The following LRCH1 variants were observed in gnomAD, a reference collection of about 807,000 sequenced individuals.
The protein encoded by LRCH1 is leucine rich repeats and calponin homology domain containing 1.
A neutral mutation model predicts 94.9 loss-of-function variants in LRCH1; 23 were observed. The observed-to-expected ratio is 0.24, with a 90% confidence interval of 0.17 to 0.34. The LOEUF is 0.34. Among genes scored for constraint, LRCH1 ranks in the 10% least tolerant of loss-of-function variants. LRCH1 has a pLI of 1.00. For missense variants in LRCH1, 790 were observed against 945.9 expected (o/e 0.84, Z 2.16); for synonymous variants, 364 against 354.9 (o/e 1.03, Z -0.29).
chr13:46,708,973 G>T (rs1871919484), intron 13 of LRCH1, among the ~76,000 whole-genome samples: 1 of 152,224 alleles, frequency 6.6e-6, no homozygotes, highest in African/African-American at 2.4e-5. Flanking sequence ...AAGAGAGGGA[G>T]AGAGATAGGA....
intron 1 of LRCH1, among the ~76,000 whole-genome samples, chr13:46,632,205 A>G (rs1334737363): frequency 6.6e-6 from 1 of 152,166 alleles, no homozygotes; most frequent in African/African-American, 2.4e-5. Flanking sequence ...TCTGTCTAAA[A>G]AAAAAAAACA....
chr13:46,554,487 A>T (rs1288478498), intron 1 of LRCH1, among the ~76,000 whole-genome samples: 2 of 152,190 alleles, frequency 1.3e-5, no homozygotes, highest in African/African-American at 4.8e-5. Context: ...CGGGGGCCCC[A>T]GGAAAGGACG....
chr13:46,644,008 T>A (rs1415912850), intron 1 of LRCH1, among the ~76,000 whole-genome samples: 2 of 152,226 alleles, frequency 1.3e-5, no homozygotes, highest in African/African-American at 4.8e-5. Context: ...GCAGTGAAGA[T>A]TTCATTGCTG....
At chr13:46,562,797 A>G (rs142767161) in intron 1 of LRCH1, among the ~76,000 whole-genome samples, 164 of 152,272 alleles carry the variant, frequency 1.1e-3, no homozygotes, top group African/African-American at 3.8e-3. Context: ...CTGTCCTTGG[A>G]ATCTAGCCCT....
At chr13:46,736,118 C>CTGTG (rs3138585) in intron 19 of LRCH1, among the ~76,000 whole-genome samples, 24,535 of 141,990 alleles carry the variant, frequency 0.17, 2,268 homozygotes, top group East Asian at 0.4. Flanking sequence ...CAAATTTGCT[C>CTGTG]TGTGTGTGTG....
At chr13:46,656,190 T>G (rs1254641947) in intron 2 of LRCH1, among the ~76,000 whole-genome samples, 1 of 152,220 alleles carries the variant, frequency 6.6e-6, no homozygotes, top group East Asian at 1.9e-4. Context: ...TAGGGTTGCC[T>G]TAGAAAACAC....
chr13:46,705,005 A>G (rs1871674956), intron 11 of LRCH1, 63 bp from the exon 12 acceptor site: 3 of 878,846 alleles, frequency 3.4e-6, no homozygotes, highest in Non-Finnish European at 5.4e-6. Flanking sequence ...AATAAGACCA[A>G]TAGAATTTAT....
intron 17 of LRCH1, among the ~76,000 whole-genome samples, chr13:46,727,000 G>C (rs1186714056): frequency 6.6e-6 from 1 of 151,882 alleles, no homozygotes; most frequent in African/African-American, 2.4e-5. Flanking sequence ...ATCCCAAACT[G>C]TAGGCAAAAA....
At chr13:46,608,017 G>A (rs748472466) in intron 1 of LRCH1, among the ~76,000 whole-genome samples, 8 of 152,192 alleles carry the variant, frequency 5.3e-5, no homozygotes, top group Non-Finnish European at 1.0e-4. Flanking sequence ...TACCGGTGAT[G>A]AATCACCTTC....
intron 1 of LRCH1, among the ~76,000 whole-genome samples, chr13:46,633,046 A>G (rs1278550267): frequency 6.6e-6 from 1 of 152,246 alleles, no homozygotes; most frequent in African/African-American, 2.4e-5. Context: ...TCTAGCCTTA[A>G]CATTCATGCT....
At chr13:46,691,538 A>G (rs1487487606) in intron 7 of LRCH1, among the ~76,000 whole-genome samples, 1 of 152,246 alleles carries the variant, frequency 6.6e-6, no homozygotes, top group African/African-American at 2.4e-5. Flanking sequence ...GTTGGCTTAC[A>G]GTTCTGCAGG....
chr13:46,733,988 G>T lies in LRCH1; in HGVS notation c.2075G>T (p.Gly692Val). The T allele has an allele frequency of 6.3e-7, 1 of 1,587,706 alleles. No individual in the cohort carries two copies. The highest frequency in any genetic ancestry group is 1.1e-5 in the South Asian group (1 of 87,822). The change falls in exon 19 of 20, where the codon GGA (glycine) becomes GTA (valine). Residue 692 changes from glycine to valine, a missense_variant. Around this residue, in one of 3 missense-constraint regions of LRCH1, gnomAD observed 460 missense variants for 508.9 expected, o/e 0.90. Coordinates refer to ENST00000389797, the MANE Select transcript of LRCH1 (RefSeq NM_001164211.2). ...ENFLEACRKLGVPEADLCSPC... is the reference protein window; with the variant it reads ...ENFLEACRKLVVPEADLCSPC... ...TTTTTGGAAGCATGCCGAAAATTAG[G>T]AGTACCAGAGGTAACATCAAACTTA...
At chr13:46,728,797 A>T (rs1160891425) in intron 17 of LRCH1, 50 bp from the exon 18 acceptor site, 1 of 1,519,524 alleles carries the variant, frequency 6.6e-7, no homozygotes, top group African/African-American at 1.4e-5. Flanking sequence ...TTTTACTCAC[A>T]GTTACCTCAG....
chr13:46,650,685 A>C (rs1448705457), intron 2 of LRCH1, among the ~76,000 whole-genome samples: 1 of 150,478 alleles, frequency 6.6e-6, no homozygotes, highest in African/African-American at 2.4e-5. Flanking sequence ...GTATAAAGGA[A>C]GTGAAAAAGA....
chr13:46,652,013 A>T (rs1340598241), intron 2 of LRCH1, among the ~76,000 whole-genome samples: 1 of 62,472 alleles, frequency 1.6e-5, no homozygotes, highest in Non-Finnish European at 3.4e-5. Context: ...TCAGCCTCCC[A>T]AGTAGCTGGG....
chr13:46,596,180 A>G (rs1361246061), intron 1 of LRCH1, among the ~76,000 whole-genome samples: 2 of 152,172 alleles, frequency 1.3e-5, no homozygotes, highest in South Asian at 2.1e-4. Context: ...TTCCCTGGGA[A>G]CACATCTTGA....
chr13:46,553,303 C>A lies in LRCH1; in HGVS notation c.-94C>A. ...TCCAGCGCCTTTCGGTGGAGCACTG[C>A]GGCACTCAGCCCGAGCTGCCGTTTT... On this transcript the variant is annotated 5_prime_UTR_variant, in exon 1 of 20. Transcript: ENST00000389797. 1 of 1,034,442 alleles carries A rather than the reference C, an allele frequency of 9.7e-7. No homozygotes were observed. The highest frequency in any genetic ancestry group is 1.4e-6 in the Non-Finnish European group (1 of 718,968). 64.1% of individuals were successfully genotyped at this position (1,034,442 alleles called of 1,614,324 possible).
intron 2 of LRCH1, 128 bp from the exon 3 acceptor site, chr13:46,668,902 T>G (rs1273371103): frequency 7.0e-6 from 6 of 857,956 alleles, no homozygotes; most frequent in Non-Finnish European, 1.1e-5. Context: ...GAAAATATAT[T>G]GGACTTCTTG....
chr13:46,728,130 C>G (rs754337948), intron 17 of LRCH1, among the ~76,000 whole-genome samples: 1 of 152,116 alleles, frequency 6.6e-6, no homozygotes, highest in African/African-American at 2.4e-5. Context: ...GCTGCCCAGG[C>G]TGGTCTCAAA....
Sources: allele counts gnomAD v4.1 joint callset (sites outside exome capture counted in the v4.1 genomes callset), GRCh38; gene constraint gnomAD v4.1.1; regional missense constraint gnomAD v4.1.1; transcripts MANE v1.5; gene names NCBI Gene and HGNC (gene_info 2026-07-23, HGNC 2026-07-21).